HDAC4: variants seen among roughly 807,000 people sequenced by gnomAD.
The protein encoded by HDAC4 is histone deacetylase A.
HDAC4 carries 16 observed loss-of-function variants against 135.1 expected under a neutral mutation model. That is an observed-to-expected ratio of 0.12 (90% CI 0.08 to 0.18). HDAC4 has a LOEUF of 0.18. Among genes scored for constraint, HDAC4 ranks in the 10% least tolerant of loss-of-function variants. HDAC4 has a pLI of 1.00. For missense variants in HDAC4, 1,143 were observed against 1,511.8 expected (o/e 0.76, Z 4.05); for synonymous variants, 685 against 653.4 (o/e 1.05, Z -0.74).
intron 22 of HDAC4, among the ~76,000 whole-genome samples, chr2:239,072,266 G>A (rs2034273572): frequency 6.6e-6 from 1 of 152,176 alleles, no homozygotes; most frequent in Non-Finnish European, 1.5e-5. Flanking sequence ...TTTTGGTGCA[G>A]AAACATTTTG....
At chr2:239,277,768 C>T (rs1216778608) in intron 2 of HDAC4, among the ~76,000 whole-genome samples, 4 of 152,358 alleles carry the variant, frequency 2.6e-5, no homozygotes, top group African/African-American at 7.2e-5. Context: ...ACACAGAAAA[C>T]ACCTGCGTTC....
chr2:239,375,222 G>A (rs1374069980), intron 1 of HDAC4, among the ~76,000 whole-genome samples: 1 of 152,214 alleles, frequency 6.6e-6, no homozygotes, highest in Non-Finnish European at 1.5e-5. Context: ...GCAGAGCCAG[G>A]GGCCTGGGAA....
intron 5 of HDAC4, among the ~76,000 whole-genome samples, chr2:239,175,532 G>A (rs1234061586): frequency 1.3e-5 from 2 of 152,160 alleles, no homozygotes; most frequent in African/African-American, 4.8e-5. Context: ...ATGAAGTGTG[G>A]GCTCTCCTTA....
At chr2:239,379,654 C>A (rs750789177) in intron 1 of HDAC4, among the ~76,000 whole-genome samples, 1 of 152,182 alleles carries the variant, frequency 6.6e-6, no homozygotes, top group Non-Finnish European at 1.5e-5. Flanking sequence ...TCATCTTACC[C>A]TATCTTCAGA....
chr2:239,236,672 A>G lies in HDAC4; in HGVS notation c.23-8T>C. 6.4e-7 allele frequency: 1 copy of G among 1,551,110 alleles called. No individual in the cohort carries two copies. Among genetic ancestry groups the G allele is most frequent in the South Asian group, 1.2e-5 (1 of 84,062 alleles). The stretch of plus-strand genomic sequence containing the variant: ...CTCGGCCAGAAAGTCCATCTGGAGA[A>G]CAGAGAAGGCACTGGCTTCAGAAAC... On this transcript the variant is annotated splice_region_variant and splice_polypyrimidine_tract_variant and intron_variant, in intron 2 of 26. Transcript: ENST00000543185.
At chr2:239,325,394 C>A (rs1165201910) in intron 2 of HDAC4, among the ~76,000 whole-genome samples, 1 of 152,132 alleles carries the variant, frequency 6.6e-6, no homozygotes, top group Non-Finnish European at 1.5e-5. Flanking sequence ...CAACCCAATT[C>A]AAATATGGGC....
At chr2:239,330,708 C>T (rs1405329552) in intron 2 of HDAC4, among the ~76,000 whole-genome samples, 1 of 152,246 alleles carries the variant, frequency 6.6e-6, no homozygotes, top group African/African-American at 2.4e-5. Flanking sequence ...GAGGCCTGGC[C>T]TTCTACAGGG....
intron 5 of HDAC4, among the ~76,000 whole-genome samples, chr2:239,171,624 A>C (rs922632645): frequency 6.6e-6 from 1 of 152,254 alleles, no homozygotes; most frequent in African/African-American, 2.4e-5. Flanking sequence ...CTAAGAATTC[A>C]TAACAGTATA....
intron 3 of HDAC4, among the ~76,000 whole-genome samples, chr2:239,221,246 A>G (rs1375236896): frequency 1.3e-5 from 2 of 152,218 alleles, no homozygotes; most frequent in East Asian, 3.8e-4. Flanking sequence ...GTTCTCTGAC[A>G]TAAACCGCTG....
chr2:239,339,002 G>A (rs1458346104), intron 2 of HDAC4, among the ~76,000 whole-genome samples: 1 of 152,232 alleles, frequency 6.6e-6, no homozygotes, highest in Admixed American at 6.5e-5. Flanking sequence ...GAGGTCATCT[G>A]TATTTAAGAA....
At chr2:239,336,777 C>A (rs1691967339) in intron 2 of HDAC4, among the ~76,000 whole-genome samples, 1 of 152,224 alleles carries the variant, frequency 6.6e-6, no homozygotes, top group Middle Eastern at 3.2e-3. Flanking sequence ...CAATTGGGAA[C>A]CAATACTGAC....
intron 4 of HDAC4, chr2:239,186,903 C>T (rs2044585850): frequency 6.6e-6 from 1 of 152,324 alleles, no homozygotes; most frequent in African/African-American, 2.4e-5. Context: ...TACTTCTCAG[C>T]TTCTCATCTA....
At chr2:239,183,934 C>T (rs2044317584) in intron 4 of HDAC4, among the ~76,000 whole-genome samples, 2 of 151,986 alleles carry the variant, frequency 1.3e-5, no homozygotes, top group South Asian at 4.1e-4. Flanking sequence ...TTAGTTCCTC[C>T]CTGAAAGGAA....
intron 6 of HDAC4, among the ~76,000 whole-genome samples, chr2:239,157,311 G>A (rs1048134726): frequency 6.6e-6 from 1 of 152,206 alleles, no homozygotes; most frequent in Non-Finnish European, 1.5e-5. Context: ...GGCACCCATC[G>A]TCATCCGTGC....
At chr2:239,157,126 G>C (rs1198520608) in intron 6 of HDAC4, among the ~76,000 whole-genome samples, 1 of 152,236 alleles carries the variant, frequency 6.6e-6, no homozygotes, top group East Asian at 1.9e-4. Context: ...CACTCAGAGA[G>C]CCTATCCCCG....
chr2:239,156,835 A>G, intron 6 of HDAC4, 62 bp from the exon 7 acceptor site: 1 of 1,599,744 alleles, frequency 6.3e-7, no homozygotes, highest in Non-Finnish European at 8.6e-7. Context: ...GGCATGCTGC[A>G]GCCGAGAAGC....
At chr2:239,394,113 C>T (rs1003854050) in intron 1 of HDAC4, among the ~76,000 whole-genome samples, 2 of 152,122 alleles carry the variant, frequency 1.3e-5, no homozygotes, top group African/African-American at 4.8e-5. Flanking sequence ...AATGCAATTC[C>T]ATCACCGCTT....
chr2:239,396,168 G>T (rs940408207), intron 1 of HDAC4, among the ~76,000 whole-genome samples: 2 of 150,252 alleles, frequency 1.3e-5, no homozygotes, highest in African/African-American at 4.9e-5. Flanking sequence ...AGAGATGAGG[G>T]TCTCACTATG....
At chr2:239,197,847 TTGTGTGTG>T (rs368801140) in intron 3 of HDAC4, among the ~76,000 whole-genome samples, 1,845 of 140,206 alleles carry the variant, frequency 0.013, 41 homozygotes, top group African/African-American at 0.046. Flanking sequence ...CACTAAAAGT[TTGTGTGTG>T]TGTGTGTGTG....
Sources: gnomAD v4.1 joint callset for allele counts (sites outside exome capture counted in the v4.1 genomes callset) on GRCh38, gnomAD v4.1.1 for gene constraint, MANE v1.5 for transcripts, NCBI Gene and HGNC (gene_info 2026-07-23, HGNC 2026-07-21) for gene names.